The following CSMD1 variants were observed in gnomAD, a reference collection of about 807,000 sequenced individuals.
CSMD1 encodes CUB and Sushi multiple domains 1.
CSMD1 carries 213 observed loss-of-function variants against 417.5 expected under a neutral mutation model. The ratio of observed to expected loss-of-function variants is 0.51; its 90% CI spans 0.46 to 0.57. The LOEUF (loss-of-function observed/expected upper bound fraction) is 0.57. CSMD1 is among the 20% of genes least tolerant of loss of function. CSMD1 has a pLI of 0.00. For missense variants in CSMD1, 6,923 were observed against 4,529.7 expected (o/e 1.53, Z -15.17); for synonymous variants, 2,862 against 1,736.8 (o/e 1.65, Z -16.11).
chr8:3,584,804 A>G (rs537530353), intron 9 of CSMD1, among the ~76,000 whole-genome samples: 2 of 152,164 alleles, frequency 1.3e-5, no homozygotes, highest in African/African-American at 4.8e-5. Context: ...TTTTTCCCCA[A>G]AGGAAAAATA....
rs1044224824 is a variant in CSMD1, at chr8:4,032,200, G to C, written c.416-101C>G. The C allele has an allele frequency of 2.6e-5, 20 of 774,970 alleles. No homozygotes were observed. The Middle Eastern group carries it at 1.1e-3, about 41-fold the overall frequency. 48.0% of individuals were successfully genotyped at this position (774,970 alleles called of 1,614,324 possible). ...CACCATTTTTGAATTATTAAAATGA[G>C]AAAACCTCTAGCATCAGAAAAATAT... On this transcript the variant is annotated intron_variant, in intron 3 of 69. Transcript: ENST00000635120.
chr8:3,686,937 C>T (rs529563393), intron 7 of CSMD1, among the ~76,000 whole-genome samples: 3 of 152,294 alleles, frequency 2.0e-5, no homozygotes, highest in South Asian at 4.1e-4. Context: ...CTCCCCTACA[C>T]TGGGGGGTGT....
At chr8:3,314,063 T>A (rs902151945) in intron 23 of CSMD1, among the ~76,000 whole-genome samples, 109 of 151,274 alleles carry the variant, frequency 7.2e-4, no homozygotes, top group Non-Finnish European at 1.5e-3. Flanking sequence ...AGGTGGGAAT[T>A]GAACAATGAG....
intron 10 of CSMD1, among the ~76,000 whole-genome samples, chr8:3,520,611 C>G (rs1489361934): frequency 6.6e-6 from 1 of 152,170 alleles, no homozygotes; most frequent in Non-Finnish European, 1.5e-5. Context: ...TTACTGCTTG[C>G]TCATTCACTG....
In CSMD1 at chr8:3,518,327, G is replaced by A. The variant is rs527965219; in HGVS notation, c.1345-24601C>T. On this transcript the variant is annotated intron_variant, in intron 10 of 69. Coordinates refer to ENST00000635120, the MANE Select transcript of CSMD1 (RefSeq NM_033225.6). ...AAAAGCTGACGCAAATTCCTCTGGA[G>A]CTTAAATGCAAACCTGCGTACCAAC... Among the ~76,000 whole-genome samples the A allele has an allele frequency of 1.8e-4, 27 of 152,240 alleles. 1 individual carries two copies. Among genetic ancestry groups the A allele is most frequent in the African/African-American group, 5.8e-4 (24 of 41,558 alleles).
At chr8:2,972,997 A>G (rs1804594658) in intron 57 of CSMD1, 120 bp downstream of exon 57, 1 of 953,956 alleles carries the variant, frequency 1.0e-6, no homozygotes, top group Non-Finnish European at 1.5e-6. Flanking sequence ...TGCGGGGAAA[A>G]GATTTAATTG....
At chr8:3,586,563 G>A (rs773673695) in intron 8 of CSMD1, among the ~76,000 whole-genome samples, 8 of 151,988 alleles carry the variant, frequency 5.3e-5, no homozygotes, top group Non-Finnish European at 7.4e-5. Flanking sequence ...TGAATAGTGT[G>A]GCTTTAATAA....
chr8:3,163,175 C>G (rs995258357), intron 37 of CSMD1, among the ~76,000 whole-genome samples: 1 of 152,078 alleles, frequency 6.6e-6, no homozygotes, highest in Admixed American at 6.5e-5. Flanking sequence ...TGAAATGGTG[C>G]TAAGGGCTTG....
chr8:4,293,000 C>A (rs1022585133), intron 3 of CSMD1, among the ~76,000 whole-genome samples: 1 of 152,136 alleles, frequency 6.6e-6, no homozygotes, highest in African/African-American at 2.4e-5. Flanking sequence ...TCTTCAGGTG[C>A]AGAGGGGCAA....
intron 5 of CSMD1, among the ~76,000 whole-genome samples, chr8:3,867,140 G>C (rs187201059): frequency 2.5e-4 from 38 of 152,104 alleles, no homozygotes; most frequent in African/African-American, 8.7e-4. Context: ...TTTTTCCACT[G>C]AGTGGTGGAA....
chr8:4,121,875 A>T (rs1802506503), intron 3 of CSMD1, among the ~76,000 whole-genome samples: 1 of 152,116 alleles, frequency 6.6e-6, no homozygotes, highest in African/African-American at 2.4e-5. Context: ...AGAAATTTAA[A>T]CTATTAGAAT....
At chr8:3,009,466 G>C (rs1808215278) in intron 52 of CSMD1, among the ~76,000 whole-genome samples, 1 of 152,180 alleles carries the variant, frequency 6.6e-6, no homozygotes, top group African/African-American at 2.4e-5. Context: ...TTGGGCAGTA[G>C]ATTCCAAAGC....
intron 2 of CSMD1, among the ~76,000 whole-genome samples, chr8:4,542,710 G>A (rs1184281344): frequency 2.0e-5 from 3 of 151,796 alleles, no homozygotes; most frequent in East Asian, 1.9e-4. Flanking sequence ...TTTAAATTAG[G>A]GAACATATAA....
chr8:3,566,831 G>C lies in CSMD1; in HGVS notation c.1344+8114C>G, dbSNP rs896027851. On this transcript the variant is annotated intron_variant, in intron 10 of 69. Coordinates refer to ENST00000635120, the MANE Select transcript of CSMD1 (RefSeq NM_033225.6). The stretch of plus-strand genomic sequence containing the variant: ...AGGAACACTTATACACTGTTGGTGA[G>C]AGTGTAAACTAGGTTAACCTTTGTG... Among the ~76,000 whole-genome samples, 3 of 152,196 alleles carry C rather than the reference G, an allele frequency of 2.0e-5. No individual in the cohort carries two copies. In the East Asian group the frequency reaches 5.8e-4, roughly 29 times the overall value.
rs1222142087 is a variant in CSMD1, at chr8:4,810,905, ACTG to A, written c.86-173350_86-173348del. 4.6e-5 allele frequency among the ~76,000 whole-genome samples: 7 copies of A among 152,332 alleles called. No individual in the cohort carries two copies. The East Asian group carries it at 1.3e-3, about 29-fold the overall frequency. On this transcript the variant is annotated intron_variant, in intron 1 of 69. Coordinates refer to ENST00000635120, the MANE Select transcript of CSMD1 (RefSeq NM_033225.6). ...CTTGTGTCTGAATCAGATAAAATTA[ACTG>A]CTACCTCTCCTGAAATATGAGATTA... is the stretch of plus-strand genomic sequence containing the variant.
intron 37 of CSMD1, among the ~76,000 whole-genome samples, chr8:3,173,378 G>T (rs775818673): frequency 6.6e-6 from 1 of 152,134 alleles, no homozygotes; most frequent in African/African-American, 2.4e-5. Context: ...CATGGTCCTT[G>T]GTGCACTTAG....
intron 8 of CSMD1, among the ~76,000 whole-genome samples, chr8:3,605,371 A>G (rs1186794176): frequency 1.3e-5 from 2 of 152,202 alleles, no homozygotes; most frequent in East Asian, 1.9e-4. Context: ...TTACATTTTC[A>G]TGTAACAAGA....
chr8:4,759,684 A>G lies in CSMD1; in HGVS notation c.86-122126T>C, dbSNP rs1302861381. The stretch of plus-strand genomic sequence containing the variant: ...GTGGTGTTTGGTTTTCGGTTGCTGC[A>G]TTAGCTTGCTGAGAATAATGGCTTC... On this transcript the variant is annotated intron_variant, in intron 1 of 69. Transcript: ENST00000635120. 2.6e-5 allele frequency among the ~76,000 whole-genome samples: 4 copies of G among 152,250 alleles called. No individual in the cohort carries two copies. In the East Asian group the frequency reaches 7.7e-4, roughly 29 times the overall value.
chr8:3,865,520 G>C (rs1805026985), intron 5 of CSMD1, among the ~76,000 whole-genome samples: 2 of 152,062 alleles, frequency 1.3e-5, no homozygotes, highest in Non-Finnish European at 2.9e-5. Flanking sequence ...GGGGGAAAGA[G>C]TTGGGGGTGG....
Sources: gnomAD v4.1 joint callset for allele counts (sites outside exome capture counted in the v4.1 genomes callset) on GRCh38, gnomAD v4.1.1 for gene constraint, MANE v1.5 for transcripts, NCBI Gene and HGNC (gene_info 2026-07-23, HGNC 2026-07-21) for gene names.